The following SYNE2 variants were observed in gnomAD, a reference collection of about 807,000 sequenced individuals.
SYNE2 encodes spectrin repeat containing nuclear envelope protein 2.
In SYNE2, 431 loss-of-function variants were observed where a neutral mutation model predicts 856.3. The ratio of observed to expected loss-of-function variants is 0.50; its 90% CI spans 0.47 to 0.55. SYNE2 has a LOEUF of 0.55. Among genes scored for constraint, SYNE2 ranks in the 20% least tolerant of loss-of-function variants. The pLI is 0.00. For missense variants in SYNE2, 8,129 were observed against 8,023.2 expected, an observed-to-expected ratio of 1.01 and a Z score of -0.50; for synonymous variants, 2,923 against 2,872.3, an observed-to-expected ratio of 1.02 and a Z score of -0.56.
At position 63,993,950 on chromosome 14, in the gene SYNE2, A is replaced by G. The variant is rs199861402; in HGVS notation, c.2762A>G (p.Asp921Gly). ...ATGTCTTTAGAAGAAAAGAGTAGAG[A>G]TGTCTGTGCCAAATGGGAGGTAAGA... ...IKMSLEEKSR[D>G]VCAKWESLHH... is the part of the protein sequence containing the mutation. Residue 921 changes from aspartate to glycine, a missense_variant, in exon 22 of 116, where the codon GAT (aspartate) becomes GGT (glycine). Transcript: ENST00000555002. 6.2e-7 allele frequency: 1 copy of G among 1,613,880 alleles called. No individual in the cohort carries two copies. Among genetic ancestry groups the G allele is most frequent in the Non-Finnish European group, 8.5e-7 (1 of 1,179,844 alleles).
At chr14:64,201,135 A>AG (rs2098561634) in intron 99 of SYNE2, among the ~76,000 whole-genome samples, 1 of 152,184 alleles carries the variant, frequency 6.6e-6, no homozygotes, top group Admixed American at 6.5e-5. Context: ...GGTACATTGC[A>AG]GGGTGCAGAG....
Position 64,003,173 on chromosome 14 carries a change from CATGGCT to C in SYNE2, c.4245_4250del (p.Tyr1416_Gly1417del), listed in dbSNP as rs1424258964. On this transcript the variant is annotated inframe_deletion, in exon 30 of 116. Coordinates refer to ENST00000555002, the MANE Select transcript of SYNE2 (RefSeq NM_182914.3). ...TTTTTCAATAAAGTTATCTGAGACA[CATGGCT>C]ATGGGGTACAGGAGGAATTCACTGA... The C allele has an allele frequency of 6.2e-7, 1 of 1,614,144 alleles. No individual in the cohort carries two copies. Among genetic ancestry groups the C allele is most frequent in the Non-Finnish European group, 8.5e-7 (1 of 1,180,014 alleles).
intron 36 of SYNE2, 57 bp from the exon 37 acceptor site, chr14:64,021,800 T>A: frequency 1.3e-6 from 2 of 1,566,862 alleles, no homozygotes; most frequent in Non-Finnish European, 8.8e-7. Flanking sequence ...CTAATATGCT[T>A]TGTGTAATTT....
intron 1 of SYNE2, among the ~76,000 whole-genome samples, chr14:63,892,575 AAG>A (rs2095158294): frequency 6.6e-6 from 1 of 152,150 alleles, no homozygotes; most frequent in African/African-American, 2.4e-5. Context: ...AAATGGAAGA[AAG>A]AGAAGCAATT....
At chr14:63,919,622 G>A (rs2095572805) in intron 2 of SYNE2, among the ~76,000 whole-genome samples, 1 of 152,182 alleles carries the variant, frequency 6.6e-6, no homozygotes, top group Admixed American at 6.5e-5. Context: ...GAGGAACAAG[G>A]AAAGGACACT....
intron 30 of SYNE2, 112 bp downstream of exon 30, chr14:64,003,442 C>T: frequency 1.4e-6 from 1 of 691,682 alleles, no homozygotes; most frequent in Non-Finnish European, 2.1e-6. Flanking sequence ...TTCCATCCCA[C>T]TCTATTCAGT....
In SYNE2 at chr14:63,998,914, G is replaced by T. The variant is rs572810840; in HGVS notation, c.3354G>T (p.Arg1118Ser). The T allele has an allele frequency of 2.5e-6, 4 of 1,613,688 alleles. No homozygotes were observed. Among genetic ancestry groups the T allele is most frequent in the Admixed American group, 1.7e-5 (1 of 59,988 alleles). Residue 1118 changes from arginine (R) to serine (S), a missense_variant and splice_region_variant, in exon 27 of 116, where the codon AGG becomes AGT. By Grantham distance (110) the Arg-to-Ser change is moderately radical. This residue lies in a region of SYNE2 where 2,422 missense variants were observed against 2,357.4 expected (regional missense o/e 1.03). Coordinates refer to ENST00000555002, the MANE Select transcript of SYNE2 (RefSeq NM_182914.3). ...TGATGTTGCATTTCATTTTGCCCAG[G>T]TATGATACATACAGAGATATTCTTG... is the stretch of plus-strand genomic sequence containing the variant. ...YSASINSLLE[R>S]YDTYRDILEH...
chr14:64,205,000 A>G (rs898375066), intron 100 of SYNE2, among the ~76,000 whole-genome samples: 13 of 151,958 alleles, frequency 8.6e-5, no homozygotes, highest in African/African-American at 2.2e-4. Flanking sequence ...CGCCGTCAAC[A>G]TTGCATCTCT....
intron 31 of SYNE2, among the ~76,000 whole-genome samples, chr14:64,009,112 A>C (rs59252260): frequency 6.6e-6 from 1 of 152,174 alleles, no homozygotes; most frequent in Non-Finnish European, 1.5e-5. Context: ...CAAAGAGGCT[A>C]AAGTAACTTA....
chr14:63,881,555 A>G (rs1167399155), intron 1 of SYNE2, among the ~76,000 whole-genome samples: 2 of 150,080 alleles, frequency 1.3e-5, no homozygotes, highest in Non-Finnish European at 3.0e-5. Context: ...TTTGTGTGTC[A>G]TATATTTTTA....
chr14:63,900,732 A>T (rs1381818950), intron 1 of SYNE2, among the ~76,000 whole-genome samples: 1 of 152,242 alleles, frequency 6.6e-6, no homozygotes, highest in East Asian at 1.9e-4. Context: ...TGACCTGGAA[A>T]TATGCACCAG....
chr14:63,771,040 T>C (rs1886880125), intron 1 of SYNE2, among the ~76,000 whole-genome samples: 1 of 150,212 alleles, frequency 6.7e-6, no homozygotes, highest in Non-Finnish European at 1.5e-5. Flanking sequence ...GGTGAGGAAA[T>C]AGAGTCACAG....
At chr14:64,099,001 C>A in intron 63 of SYNE2, 180 bp downstream of exon 63, 1 of 650,650 alleles carries the variant, frequency 1.5e-6, no homozygotes, top group South Asian at 1.7e-5. Context: ...AAACCTACTT[C>A]ACTGTGTAAG....
At chr14:63,934,714 A>C (rs1305377776) in intron 2 of SYNE2, among the ~76,000 whole-genome samples, 1 of 152,014 alleles carries the variant, frequency 6.6e-6, no homozygotes, top group African/African-American at 2.4e-5. Flanking sequence ...ACTCCCCTCA[A>C]GTCAGTGCAT....
chr14:63,832,728 A>T lies in SYNE2; in HGVS notation c.-304-19773A>T, dbSNP rs190355940. ...AAATATACCAAAGTAGGATAATTTT[A>T]CTGGTAAATAATAATGCAGACCGGG... is the stretch of plus-strand genomic sequence containing the variant. On this transcript the variant is annotated intron_variant, in intron 1 of 23. Transcript: ENST00000674003. Among the ~76,000 whole-genome samples the T allele has an allele frequency of 3.7e-4, 56 of 152,068 alleles. No individual in the cohort carries two copies. In the East Asian group the frequency reaches 0.01, roughly 28 times the overall value.
At chr14:63,954,452 G>T (rs1206829722) in intron 7 of SYNE2, among the ~76,000 whole-genome samples, 1 of 152,134 alleles carries the variant, frequency 6.6e-6, no homozygotes, top group Non-Finnish European at 1.5e-5. Flanking sequence ...TTCGGCCTGA[G>T]AATTTACATT....
Position 64,188,290 on chromosome 14 carries a change from C to T in SYNE2, c.17713-260C>T, listed in dbSNP as rs557226577. On this transcript the variant is annotated intron_variant, in intron 97 of 115. Transcript: ENST00000555002. ...TTTACTATAACCAGATAGTAACACA[C>T]GAGTATTGGATAAAAACAATCCTTC... is the stretch of plus-strand genomic sequence containing the variant. 1.1e-4 allele frequency among the ~76,000 whole-genome samples: 16 copies of T among 152,258 alleles called. 1 individual carries two copies. The highest frequency in any genetic ancestry group is 3.4e-4 in the African/African-American group (14 of 41,556).
At position 64,209,880 on chromosome 14, in the gene SYNE2, A is replaced by G. The variant is rs550650082; in HGVS notation, c.18541-62A>G. 100 of 1,609,230 alleles carry G rather than the reference A, an allele frequency of 6.2e-5. 1 individual carries two copies. The South Asian group carries it at 7.3e-4, about 12-fold the overall frequency. On this transcript the variant is annotated intron_variant, in intron 102 of 115. Transcript: ENST00000555002. ...GGCAGCAGGTCGCTTGGGATGTAGA[A>G]GGGAAGGAGGGCGTCCTGGCACTCT...
chr14:64,184,394 G>A (rs371944053), intron 96 of SYNE2, among the ~76,000 whole-genome samples: 24 of 151,244 alleles, frequency 1.6e-4, no homozygotes, highest in African/African-American at 5.6e-4. Flanking sequence ...TGTTAGAGGG[G>A]AAAAGGGCAG....
Sources: gnomAD v4.1 joint callset for allele counts (sites outside exome capture counted in the v4.1 genomes callset) on GRCh38, gnomAD v4.1.1 for gene constraint, gnomAD v4.1.1 regional missense constraint, MANE v1.5 for transcripts, NCBI Gene and HGNC (gene_info 2026-07-23, HGNC 2026-07-21) for gene names.